Variants in MTUS1 observed in about 807,000 individuals in gnomAD.
MTUS1 encodes microtubule-associated tumor suppressor 1.
In MTUS1, 109 loss-of-function variants were observed where a neutral mutation model predicts 120.8. The ratio of observed to expected loss-of-function variants is 0.90; its 90% confidence interval spans 0.77 to 1.06. MTUS1 has a LOEUF of 1.06. Among genes scored for constraint, MTUS1 ranks in the 50% least tolerant of loss-of-function variants. The probability of loss-of-function intolerance (pLI) is 0.00; values close to 1 mark genes in which losing one functional copy is unlikely to be tolerated. For synonymous variants in MTUS1, 737 were observed against 550.5 expected, an observed-to-expected ratio of 1.34 and a Z score of -4.74; for missense variants, 2,210 against 1,486.3, an observed-to-expected ratio of 1.49 and a Z score of -8.01.
Position 17,655,929 on chromosome 8 carries a change from C to A in MTUS1, c.3042G>T (p.Glu1014Asp), listed in dbSNP as rs776866308. ...TGTAAGTGTCCCGAAGCTTTTCATA[C>A]TCCCTGGTGTAAAACTCTTTAAGCC... ...ENRLKEFYTR[E>D]YEKLRDTYIE... The change falls in exon 9 of 15, where the codon GAG becomes GAT. Residue 1014 changes from glutamate (E) to aspartate (D), a missense_variant. Physicochemically the swap from Glu to Asp is conservative, Grantham distance 45. Coordinates refer to ENST00000693296, the MANE Select transcript of MTUS1 (RefSeq NM_001363059.2). 65 of 1,614,098 alleles carry A rather than the reference C, an allele frequency of 4.0e-5. No homozygotes were observed. The highest frequency in any genetic ancestry group is 4.8e-5 in the Non-Finnish European group (57 of 1,180,044).
At chr8:17,698,847 G>A (rs900219192) in intron 6 of MTUS1, among the ~76,000 whole-genome samples, 2 of 152,028 alleles carry the variant, frequency 1.3e-5, no homozygotes, top group African/African-American at 4.8e-5. Context: ...ATACACTGAC[G>A]AAAAACCTGC....
intron 1 of MTUS1, among the ~76,000 whole-genome samples, chr8:17,774,637 G>C (rs568178391): frequency 9.3e-4 from 141 of 152,252 alleles, no homozygotes; most frequent in Middle Eastern, 3.4e-3. Flanking sequence ...TGCGTTGCTG[G>C]TGGAAATGTC....
Position 17,723,756 on chromosome 8 carries a change from A to G in MTUS1, c.2365T>C (p.Leu789=). The change falls in exon 4 of 15, where the codon TTG becomes CTG. Residue 789 remains leucine (L), a synonymous_variant. Coordinates refer to ENST00000693296, the MANE Select transcript of MTUS1 (RefSeq NM_001363059.2). Reference sequence around the variant, plus strand: ...GTCCTCCGCAGCGCAGGACTTTTCAAAGATGCTTTGGATTTAGGAAGTGGT... The same window carrying G: ...GTCCTCCGCAGCGCAGGACTTTTCAGAGATGCTTTGGATTTAGGAAGTGGT... The part of the protein sequence containing the change: ...PRPLPKSKAS[L]KSPALRRTGS... 1 of 1,610,648 alleles carries G rather than the reference A, an allele frequency of 6.2e-7. No individual in the cohort carries two copies. Among genetic ancestry groups the G allele is most frequent in the South Asian group, 1.1e-5 (1 of 90,938 alleles).
chr8:17,725,358 G>A (rs1325533399), intron 3 of MTUS1, among the ~76,000 whole-genome samples: 7 of 152,158 alleles, frequency 4.6e-5, no homozygotes. Flanking sequence ...CCTGGCATTT[G>A]AAATTACCAC....
At chr8:17,733,391 T>C (rs1410071725) in intron 3 of MTUS1, among the ~76,000 whole-genome samples, 1 of 151,824 alleles carries the variant, frequency 6.6e-6, no homozygotes, top group South Asian at 2.1e-4. Flanking sequence ...ACTGTCTCCA[T>C]TATATACATA....
At chr8:17,742,142 G>C (rs1330089249) in intron 3 of MTUS1, among the ~76,000 whole-genome samples, 1 of 152,124 alleles carries the variant, frequency 6.6e-6, no homozygotes, top group East Asian at 1.9e-4. Context: ...CCAGGTTGGA[G>C]TACAGTGGCA....
intron 1 of MTUS1, among the ~76,000 whole-genome samples, chr8:17,786,525 A>G (rs1299958807): frequency 3.3e-5 from 5 of 150,414 alleles, no homozygotes; most frequent in African/African-American, 4.9e-5. Context: ...CCTCAAGGAG[A>G]TATTTATCTG....
chr8:17,701,887 C>T (rs890066647), intron 6 of MTUS1, among the ~76,000 whole-genome samples: 28 of 152,172 alleles, frequency 1.8e-4, no homozygotes, highest in Non-Finnish European at 3.5e-4. Context: ...ACACATCAGA[C>T]TGCTCTCCAA....
intron 6 of MTUS1, among the ~76,000 whole-genome samples, chr8:17,695,850 G>A (rs1356150390): frequency 6.6e-6 from 1 of 152,108 alleles, no homozygotes; most frequent in Admixed American, 6.5e-5. Context: ...GACTGGAAAC[G>A]TGCAAGAACA....
chr8:17,673,638 A>G (rs1459738810), intron 8 of MTUS1, among the ~76,000 whole-genome samples: 1 of 152,088 alleles, frequency 6.6e-6, no homozygotes, highest in Non-Finnish European at 1.5e-5. Context: ...TATTTTTTGT[A>G]GAGTCAGGGT....
intron 2 of MTUS1, among the ~76,000 whole-genome samples, chr8:17,748,505 A>G (rs578223046): frequency 1.3e-5 from 2 of 152,150 alleles, no homozygotes; most frequent in Non-Finnish European, 2.9e-5. Flanking sequence ...TGCCCCACAC[A>G]GTGAGGCAAA....
chr8:17,744,598 G>A (rs150914459), intron 2 of MTUS1, among the ~76,000 whole-genome samples: 1 of 150,428 alleles, frequency 6.6e-6, no homozygotes, highest in East Asian at 2.0e-4. Flanking sequence ...ACTTTTAGTA[G>A]AGATGGCTAA....
chr8:17,783,840 G>A (rs1474648383), intron 1 of MTUS1, among the ~76,000 whole-genome samples: 2 of 152,122 alleles, frequency 1.3e-5, no homozygotes, highest in African/African-American at 4.8e-5. Context: ...GCTCTGCTGT[G>A]GTCAACAAAT....
At chr8:17,700,935 A>C (rs1302439272) in intron 6 of MTUS1, among the ~76,000 whole-genome samples, 1 of 152,148 alleles carries the variant, frequency 6.6e-6, no homozygotes, top group African/African-American at 2.4e-5. Context: ...CTGCATAGAA[A>C]TGTGTTTTTT....
chr8:17,695,723 CAT>C lies in MTUS1; in HGVS notation c.2624-11183_2624-11182del, dbSNP rs779886270. ...TATTTTTTTTAATGAGGTAGATAAACATGTGATCACATGCAAATCTAAAACAC... is the reference window on the plus strand; with the variant it reads ...TATTTTTTTTAATGAGGTAGATAAACGTGATCACATGCAAATCTAAAACAC... On this transcript the variant is annotated intron_variant, in intron 6 of 14. Transcript: ENST00000693296. Among the ~76,000 whole-genome samples the C allele has an allele frequency of 7.6e-4, 116 of 152,072 alleles. 1 individual carries two copies. The highest frequency in any genetic ancestry group is 4.4e-4 in the Non-Finnish European group (30 of 67,994).
intron 2 of MTUS1, among the ~76,000 whole-genome samples, chr8:17,751,141 A>AC (rs1396404779): frequency 6.6e-5 from 10 of 151,970 alleles, no homozygotes; most frequent in South Asian, 2.1e-4. Context: ...ACGTGGTGAA[A>AC]CCCCATCTCT....
At chr8:17,689,316 T>C (rs1249139245) in intron 6 of MTUS1, among the ~76,000 whole-genome samples, 1 of 152,178 alleles carries the variant, frequency 6.6e-6, no homozygotes, top group Non-Finnish European at 1.5e-5. Flanking sequence ...TTTTCATTAC[T>C]ATATTGGTAG....
At chr8:17,715,262 T>G (rs1451146235) in intron 5 of MTUS1, among the ~76,000 whole-genome samples, 1 of 152,030 alleles carries the variant, frequency 6.6e-6, no homozygotes, top group Non-Finnish European at 1.5e-5. Context: ...ATGAAAACAT[T>G]GCACATTAAG....
intron 6 of MTUS1, among the ~76,000 whole-genome samples, chr8:17,685,044 A>G (rs1371232679): frequency 6.6e-6 from 1 of 152,172 alleles, no homozygotes; most frequent in South Asian, 2.1e-4. Flanking sequence ...TATACCGCAG[A>G]TGAGTCATTT....
Sources: allele counts gnomAD v4.1 joint callset (sites outside exome capture counted in the v4.1 genomes callset), GRCh38; gene constraint gnomAD v4.1.1; transcripts MANE v1.5; gene names NCBI Gene and HGNC (gene_info 2026-07-23, HGNC 2026-07-21).